The following PLA2G5 variants were observed in gnomAD, a reference collection of about 807,000 sequenced individuals.
The protein encoded by PLA2G5 is phospholipase A2 group V, also known as Ca2+-dependent phospholipase A2.
A neutral mutation model predicts 15.9 loss-of-function variants in PLA2G5; 12 were observed. The ratio of observed to expected loss-of-function variants is 0.76; its 90% CI spans 0.48 to 1.23. The LOEUF (loss-of-function observed/expected upper bound fraction) is 1.23. PLA2G5 is among the 50% of genes most tolerant of loss of function. The pLI, the probability that PLA2G5 is intolerant of heterozygous loss-of-function variation, is 0.00. For synonymous variants in PLA2G5, 71 were observed against 71.4 expected (o/e 0.99, Z 0.03); for missense variants, 169 against 177.1 (o/e 0.95, Z 0.26).
At chr1:20,056,741 G>T (rs2014451351) in intron 1 of PLA2G5, among the ~76,000 whole-genome samples, 1 of 152,116 alleles carries the variant, frequency 6.6e-6, no homozygotes, top group South Asian at 2.1e-4. Flanking sequence ...GAATGAGTTA[G>T]GGAGTATTCA....
chr1:20,090,758 ACT>A lies in PLA2G5; in HGVS notation c.*69_*70del. 1 of 1,552,974 alleles carries A rather than the reference ACT, an allele frequency of 6.4e-7. No individual in the cohort carries two copies. Among genetic ancestry groups the A allele is most frequent in the Admixed American group, 1.7e-5 (1 of 59,444 alleles). The stretch of plus-strand genomic sequence containing the variant: ...TGTTTTTCTACAACACAGAGTACTG[ACT>A]CTGCCTGGTTCCTGAGAGAGGCTCC... On this transcript the variant is annotated 3_prime_UTR_variant, in exon 5 of 5. Transcript: ENST00000375108.
intron 1 of PLA2G5, among the ~76,000 whole-genome samples, chr1:20,030,533 T>A (rs1302269111): frequency 6.6e-6 from 1 of 151,708 alleles, no homozygotes; most frequent in East Asian, 1.9e-4. Flanking sequence ...ACAGATGCCT[T>A]CCTCTTATCT....
At chr1:20,085,958 T>TA (rs1557755315) in intron 2 of PLA2G5, 125 bp from the exon 3 acceptor site, 4 of 885,806 alleles carry the variant, frequency 4.5e-6, no homozygotes, top group East Asian at 2.6e-5. Context: ...ATGGAGAGAA[T>TA]AAAAAAGAGA....
chr1:20,071,499 G>A (rs983341786), intron 1 of PLA2G5, among the ~76,000 whole-genome samples: 1 of 152,198 alleles, frequency 6.6e-6, no homozygotes, highest in South Asian at 2.1e-4. Context: ...GTTGCTCACA[G>A]CCTGGTGGGA....
At chr1:20,084,895 G>A (rs376699603) in intron 2 of PLA2G5, 25 bp downstream of exon 2, 81 of 1,557,626 alleles carry the variant, frequency 5.2e-5, no homozygotes, top group Non-Finnish European at 6.8e-5. Context: ...CGTGACCTTC[G>A]AATGAACTTT....
Position 20,062,815 on chromosome 1 carries a change from C to G in PLA2G5, n.337+3123C>G, listed in dbSNP as rs1344696786. Among the ~76,000 whole-genome samples, 8 of 152,144 alleles carry G rather than the reference C, an allele frequency of 5.3e-5. No homozygotes were observed. In the East Asian group the frequency reaches 1.5e-3, roughly 29 times the overall value. ...CATCTGTGTGCCTAGGGGGCCCATT[C>G]CAGACACCAGGTAGTAAGGCAGCCA... is the stretch of plus-strand genomic sequence containing the variant. On this transcript the variant is annotated intron_variant and non_coding_transcript_variant, in intron 2 of 6. Transcript: ENST00000460175.
chr1:20,040,586 ACACAC>A (rs2013533301), intron 1 of PLA2G5, among the ~76,000 whole-genome samples: 1 of 149,812 alleles, frequency 6.7e-6, no homozygotes, highest in Non-Finnish European at 1.5e-5. Flanking sequence ...ATACACACAC[ACACAC>A]ACACACACAC....
intron 1 of PLA2G5, among the ~76,000 whole-genome samples, chr1:20,043,975 G>A (rs2013756917): frequency 6.6e-6 from 1 of 152,224 alleles, no homozygotes; most frequent in Admixed American, 6.5e-5. Context: ...GCAGATCTGG[G>A]AAGGAGTCAG....
chr1:20,060,884 A>C (rs752449372), intron 2 of PLA2G5, among the ~76,000 whole-genome samples: 16 of 151,540 alleles, frequency 1.1e-4, no homozygotes, highest in Non-Finnish European at 2.4e-4. Flanking sequence ...TGCCCAGCTA[A>C]TTTTGTATTT....
At chr1:20,034,472 T>A (rs1569619342) in intron 1 of PLA2G5, among the ~76,000 whole-genome samples, 1 of 152,296 alleles carries the variant, frequency 6.6e-6, no homozygotes, top group South Asian at 2.1e-4. Flanking sequence ...TTGGAACCAC[T>A]GCCTGGTTGT....
intron 3 of PLA2G5, 35 bp downstream of exon 3, chr1:20,086,262 A>G: frequency 1.2e-6 from 2 of 1,608,834 alleles, no homozygotes; most frequent in Non-Finnish European, 1.7e-6. Context: ...TTTAGGCTCC[A>G]GGCTCTGCAC....
At chr1:20,088,072 C>T (rs1458734753) in intron 3 of PLA2G5, among the ~76,000 whole-genome samples, 1 of 152,012 alleles carries the variant, frequency 6.6e-6, no homozygotes, top group Non-Finnish European at 1.5e-5. Flanking sequence ...GAGACAAGAC[C>T]ATGGGCCGGG....
intron 1 of PLA2G5, among the ~76,000 whole-genome samples, chr1:20,050,891 A>C (rs1209241111): frequency 6.6e-6 from 1 of 152,176 alleles, no homozygotes; most frequent in African/African-American, 2.4e-5. Flanking sequence ...CCTGAAGTCC[A>C]AAAATGACAT....
chr1:20,079,113 C>CAAAA (rs5772882), intron 1 of PLA2G5, among the ~76,000 whole-genome samples: 1 of 103,064 alleles, frequency 9.7e-6, no homozygotes, highest in African/African-American at 3.8e-5. Flanking sequence ...GACCCTGTCT[C>CAAAA]AAAAAAAAAA....
At chr1:20,058,636 T>A (rs2014553619) in intron 1 of PLA2G5, among the ~76,000 whole-genome samples, 2 of 152,272 alleles carry the variant, frequency 1.3e-5, no homozygotes, top group African/African-American at 4.8e-5. Flanking sequence ...TAGAACTGAT[T>A]TAATGGCTGA....
At chr1:20,042,565 A>G (rs2013669403) in intron 1 of PLA2G5, among the ~76,000 whole-genome samples, 1 of 152,076 alleles carries the variant, frequency 6.6e-6, no homozygotes, top group Non-Finnish European at 1.5e-5. Flanking sequence ...GTGGGAGCAG[A>G]TTTTAGGGCT....
chr1:20,044,829 G>A (rs923745661), intron 1 of PLA2G5, among the ~76,000 whole-genome samples: 1 of 152,042 alleles, frequency 6.6e-6, no homozygotes, highest in Non-Finnish European at 1.5e-5. Context: ...TAGGGAGGAG[G>A]GGAGAGGTCA....
chr1:20,089,664 C>T (rs567287546), intron 3 of PLA2G5, 125 bp from the exon 4 acceptor site: 1 of 693,656 alleles, frequency 1.4e-6, no homozygotes, highest in South Asian at 1.7e-5. Context: ...CCAGATCCTC[C>T]CTGCCACATC....
chr1:20,064,475 T>C (rs1209683480), intron 2 of PLA2G5, among the ~76,000 whole-genome samples: 1 of 151,648 alleles, frequency 6.6e-6, no homozygotes, highest in Non-Finnish European at 1.5e-5. Flanking sequence ...CATGGGAGGC[T>C]GAGGTGGCAG....
Sources: allele counts gnomAD v4.1 joint callset (sites outside exome capture counted in the v4.1 genomes callset), GRCh38; gene constraint gnomAD v4.1.1; transcripts MANE v1.5; gene names NCBI Gene and HGNC (gene_info 2026-07-23, HGNC 2026-07-21).